CA12: variants seen among roughly 807,000 people sequenced by gnomAD.
CA12 encodes the protein carbonic anhydrase 12, also known as carbonate dehydratase XII.
CA12 carries 36 observed loss-of-function variants against 46.8 expected under a neutral mutation model. The ratio of observed to expected loss-of-function variants is 0.77; its 90% CI spans 0.59 to 1.02. CA12 has a LOEUF of 1.02. Among genes scored for constraint, CA12 ranks in the 50% least tolerant of loss-of-function variants. CA12 has a pLI of 0.00. For missense variants in CA12, 436 were observed against 451.4 expected (o/e 0.97, Z 0.31); for synonymous variants, 202 against 187.0 (o/e 1.08, Z -0.65).
intron 1 of CA12, among the ~76,000 whole-genome samples, chr15:63,376,902 C>T (rs1411964707): frequency 6.6e-6 from 1 of 152,080 alleles, no homozygotes; most frequent in East Asian, 1.9e-4. Context: ...TCCAGCCTCC[C>T]AAAGGGCTGG....
intron 2 of CA12, among the ~76,000 whole-genome samples, chr15:63,364,189 G>A (rs746129355): frequency 1.0e-4 from 15 of 150,588 alleles, no homozygotes; most frequent in Non-Finnish European, 1.2e-4. Context: ...AAAAAAAAGT[G>A]GGGGGGCGGT....
At chr15:63,375,763 G>A (rs571565447) in intron 1 of CA12, 85 bp from the exon 2 acceptor site, 145 of 965,152 alleles carry the variant, frequency 1.5e-4, no homozygotes, top group Middle Eastern at 2.1e-4. Flanking sequence ...TGATATGAGC[G>A]AAATTGAAAA....
rs1305401831 is a variant in CA12 at position 63,328,134 on chromosome 15, A to T, written c.875-4T>A. The T allele has an allele frequency of 1.2e-6, 2 of 1,613,622 alleles. No homozygotes were observed. The highest frequency in any genetic ancestry group is 1.7e-6 in the Non-Finnish European group (2 of 1,179,718). On this transcript the variant is annotated splice_polypyrimidine_tract_variant and splice_region_variant and intron_variant, in intron 8 of 10. Coordinates refer to ENST00000178638, the MANE Select transcript of CA12 (RefSeq NM_001218.5). This position sits in a 1 kb window ranked among gnomAD's most constrained non-coding sequence, Gnocchi z 5.9. ...CCTGCCGCAGTACAGACTTGCACTT[A>T]AAAGGGGAGAGGAAAAGACGAGGTT...
intron 4 of CA12, among the ~76,000 whole-genome samples, chr15:63,344,751 C>A (rs1389765146): frequency 6.6e-6 from 1 of 152,166 alleles, no homozygotes; most frequent in Non-Finnish European, 1.5e-5. Flanking sequence ...ACCCCCAGTT[C>A]AGGGCTATTG....
At chr15:63,346,410 G>GCCC in intron 3 of CA12, 120 bp downstream of exon 3, 7 of 403,616 alleles carry the variant, frequency 1.7e-5, no homozygotes, top group Admixed American at 2.7e-5. Context: ...CCCCCGCCCC[G>GCCC]CCCCACCCCT....
intron 4 of CA12, among the ~76,000 whole-genome samples, chr15:63,343,305 G>T (rs2039105749): frequency 2.1e-5 from 1 of 46,870 alleles, no homozygotes; most frequent in African/African-American, 5.7e-5. Context: ...TTTTTTAATG[G>T]AGTTTCGCTC....
chr15:63,359,279 C>G (rs964312638), intron 2 of CA12, among the ~76,000 whole-genome samples: 1 of 152,022 alleles, frequency 6.6e-6, no homozygotes. Flanking sequence ...CCAAACTCAC[C>G]ATCTTTTCCT....
intron 2 of CA12, among the ~76,000 whole-genome samples, chr15:63,347,626 A>G (rs959093255): frequency 2.6e-5 from 4 of 152,260 alleles, no homozygotes; most frequent in African/African-American, 9.6e-5. Context: ...TAAACATGCT[A>G]TGTGCAGATG....
intron 2 of CA12, among the ~76,000 whole-genome samples, chr15:63,364,344 A>AAAAAC (rs1567052607): frequency 1.3e-5 from 2 of 149,496 alleles, no homozygotes; most frequent in Non-Finnish European, 3.0e-5. Context: ...AAAAAAAAAA[A>AAAAAC]AAAAAAAAAA....
At position 63,341,322 on chromosome 15, in the gene CA12, C is replaced by T. The variant is rs1250725008; in HGVS notation, c.526-539G>A. ...GTCTGTGGCCTGTTAGGAACTGGGCCGCACAGCAGGAGGTGAGCAGCGGGC... is the reference window on the plus strand; with the variant it reads ...GTCTGTGGCCTGTTAGGAACTGGGCTGCACAGCAGGAGGTGAGCAGCGGGC... On this transcript the variant is annotated intron_variant, in intron 5 of 10. Transcript: ENST00000178638. This position sits in a 1 kb window ranked among gnomAD's most constrained non-coding sequence, Gnocchi z 5.2. 1.3e-5 allele frequency among the ~76,000 whole-genome samples: 2 copies of T among 152,220 alleles called. No individual in the cohort carries two copies. The highest frequency in any genetic ancestry group is 4.8e-5 in the African/African-American group (2 of 41,458).
intron 1 of CA12, among the ~76,000 whole-genome samples, chr15:63,376,926 A>C (rs2074573252): frequency 6.6e-6 from 1 of 152,128 alleles, no homozygotes. Flanking sequence ...TACAGGTGTG[A>C]GCCACAGCAC....
At chr15:63,351,461 C>G (rs1281203393) in intron 2 of CA12, among the ~76,000 whole-genome samples, 2 of 152,160 alleles carry the variant, frequency 1.3e-5, no homozygotes, top group African/African-American at 2.4e-5. Flanking sequence ...CCCACCCCAA[C>G]AAGACAAAGC....
intron 2 of CA12, among the ~76,000 whole-genome samples, chr15:63,369,493 G>C (rs967065060): frequency 6.6e-6 from 1 of 152,330 alleles, no homozygotes; most frequent in South Asian, 2.1e-4. Flanking sequence ...TCTCAAACTT[G>C]AGTGAGCAGC....
chr15:63,364,734 T>C (rs888065145), intron 2 of CA12, among the ~76,000 whole-genome samples: 2 of 152,240 alleles, frequency 1.3e-5, no homozygotes, highest in African/African-American at 2.4e-5. Context: ...TCACTGTGCA[T>C]GGCCTGTCCT....
chr15:63,358,435 T>G (rs923025303), intron 2 of CA12, among the ~76,000 whole-genome samples: 5 of 152,218 alleles, frequency 3.3e-5, no homozygotes, highest in Admixed American at 2.0e-4. Context: ...GAGCGAATAC[T>G]GTGGGCAGAG....
At chr15:63,365,185 A>G (rs186014658) in intron 2 of CA12, among the ~76,000 whole-genome samples, 2 of 152,386 alleles carry the variant, frequency 1.3e-5, no homozygotes, top group Admixed American at 1.3e-4. Flanking sequence ...TTATGTCAAT[A>G]GGTATTAAGT....
At chr15:63,363,234 T>A (rs2152623791) in intron 2 of CA12, among the ~76,000 whole-genome samples, 1 of 152,334 alleles carries the variant, frequency 6.6e-6, no homozygotes, top group Non-Finnish European at 1.5e-5. Flanking sequence ...CATGTCTCCT[T>A]TTACTTCTAA....
chr15:63,381,255 T>C lies in CA12; in HGVS notation c.85+381A>G, dbSNP rs141475164. 6.7e-3 allele frequency among the ~76,000 whole-genome samples: 1,023 copies of C among 152,324 alleles called. 8 individuals carry two copies. The highest frequency in any genetic ancestry group is 0.011 in the Non-Finnish European group (731 of 68,028). On this transcript the variant is annotated intron_variant, in intron 1 of 10. Coordinates refer to ENST00000178638, the MANE Select transcript of CA12 (RefSeq NM_001218.5). The stretch of plus-strand genomic sequence containing the variant: ...CACAGGGGCACAGCAAACCTTTCTC[T>C]GTGCTTACCCCAATCAGAATGCCAC...
At position 63,372,273 on chromosome 15, in the gene CA12, C is replaced by T. The variant is rs905170555; in HGVS notation, c.106+3385G>A. Among the ~76,000 whole-genome samples the T allele has an allele frequency of 5.3e-5, 8 of 152,190 alleles. No homozygotes were observed. Among genetic ancestry groups the T allele is most frequent in the Non-Finnish European group, 1.2e-4 (8 of 68,038 alleles). ...GCGGGGAAGGTCCATGTCACATCAT[C>T]CCCAGCCTCTCTCTCATGATGCCAC... On this transcript the variant is annotated intron_variant, in intron 2 of 10. Transcript: ENST00000178638. This position sits in a 1 kb window ranked among gnomAD's most constrained non-coding sequence, Gnocchi z 4.5.
Sources: allele counts gnomAD v4.1 joint callset (sites outside exome capture counted in the v4.1 genomes callset), GRCh38; gene constraint gnomAD v4.1.1; non-coding constraint Gnocchi (gnomAD v3.1); transcripts MANE v1.5; gene names NCBI Gene and HGNC (gene_info 2026-07-23, HGNC 2026-07-21).